Variants in C12orf42 observed in about 807,000 individuals in gnomAD.
C12orf42 encodes the protein chromosome 12 open reading frame 42.
Under a neutral mutation model 21.6 loss-of-function variants are expected in C12orf42, and 25 were observed. The observed-to-expected ratio is 1.16, with a 90% CI of 0.84 to 1.62. C12orf42 has a LOEUF of 1.62. C12orf42 is among the 40% of genes most tolerant of loss of function. The pLI is 0.00. For synonymous variants in C12orf42, 174 were observed against 175.0 expected, an observed-to-expected ratio of 0.99 and a Z score of 0.05; for missense variants, 483 against 459.3, an observed-to-expected ratio of 1.05 and a Z score of -0.47.
At chr12:103,514,427 C>T in the C12orf42 span, among the ~76,000 whole-genome samples, 23 of 152,192 alleles carry the variant, frequency 1.5e-4, no homozygotes, top group Middle Eastern at 3.4e-3. Context: ...TCCTGGAAGA[C>T]GGGAAGAGCT....
the C12orf42 span, among the ~76,000 whole-genome samples, chr12:103,510,782 G>A: frequency 6.6e-6 from 1 of 152,136 alleles, no homozygotes. Flanking sequence ...ATGGGAAATC[G>A]ATGATCTTAT....
the C12orf42 span, among the ~76,000 whole-genome samples, chr12:103,064,705 C>T: frequency 2.6e-5 from 4 of 152,170 alleles, no homozygotes; most frequent in Non-Finnish European, 4.4e-5. Flanking sequence ...CCATCCTTCC[C>T]CAAGGAGACC....
the C12orf42 span, among the ~76,000 whole-genome samples, chr12:103,186,130 G>T: frequency 1.3e-5 from 2 of 152,146 alleles, no homozygotes; most frequent in Non-Finnish European, 2.9e-5. Context: ...TCCACCTTTT[G>T]TTATAGTTAC....
At position 103,306,207 on chromosome 12, in the gene C12orf42, G is replaced by A; in HGVS notation, c.398C>T (p.Pro133Leu). The A allele has an allele frequency of 6.2e-7, 1 of 1,613,922 alleles. No individual in the cohort carries two copies. The highest frequency in any genetic ancestry group is 8.5e-7 in the Non-Finnish European group (1 of 1,179,870). The change falls in exon 5 of 6, where the codon CCA becomes CTA. Residue 133 changes from proline to leucine, a missense_variant. Pro to Leu is a moderately conservative substitution (Grantham distance 98). Coordinates refer to ENST00000548883, the MANE Select transcript of C12orf42 (RefSeq NM_198521.5). ...SYEEFRSSPA[P>L]SSETDEAPLI... ...TGGGGCCTCATCAGTTTCACTGGAT[G>A]GTGCTGGAGAGGAACGGAATTCTTC... is the stretch of plus-strand genomic sequence containing the variant.
chr12:103,269,015 A>G (rs2035309911), intron 6 of C12orf42: 1 of 152,150 alleles, frequency 6.6e-6, no homozygotes, highest in African/African-American at 2.4e-5. Context: ...AGAGCTCTAC[A>G]AGTACAGGGC....
chr12:103,134,870 G>A, the C12orf42 span, among the ~76,000 whole-genome samples: 4 of 152,262 alleles, frequency 2.6e-5, no homozygotes, highest in East Asian at 3.9e-4. Context: ...GAAGAAAAGT[G>A]TCTAGTTATT....
chr12:103,354,910 C>G (rs867822457), intron 4 of C12orf42, among the ~76,000 whole-genome samples: 2 of 151,992 alleles, frequency 1.3e-5, no homozygotes, highest in African/African-American at 2.4e-5. Flanking sequence ...AGAGGGGATT[C>G]TGAATGTTCT....
the C12orf42 span, among the ~76,000 whole-genome samples, chr12:103,198,934 C>G: frequency 1.3e-5 from 2 of 152,300 alleles, no homozygotes; most frequent in South Asian, 4.1e-4. Flanking sequence ...TTCTAGTCAG[C>G]CATCTTGCTG....
intron 4 of C12orf42, among the ~76,000 whole-genome samples, chr12:103,358,340 C>A (rs1187541259): frequency 6.6e-6 from 1 of 151,890 alleles, no homozygotes; most frequent in Non-Finnish European, 1.5e-5. Context: ...TTAATCAAGT[C>A]CTAAGAAGAA....
At chr12:103,299,006 G>A (rs142590282), downstream of C12orf42, among the ~76,000 whole-genome samples, 3 of 152,178 alleles carry the variant, frequency 2.0e-5, no homozygotes, top group African/African-American at 7.2e-5. Flanking sequence ...AGGAGGTGAG[G>A]GGATATAAGT....
the C12orf42 span, among the ~76,000 whole-genome samples, chr12:103,230,302 A>C: frequency 6.8e-6 from 1 of 148,036 alleles, no homozygotes; most frequent in African/African-American, 2.5e-5. Context: ...TGTTGGAAGA[A>C]TTTTTTTTTT....
At chr12:103,184,436 T>C in the C12orf42 span, among the ~76,000 whole-genome samples, 1 of 152,218 alleles carries the variant, frequency 6.6e-6, no homozygotes, top group South Asian at 2.1e-4. Flanking sequence ...ACCTATGTCA[T>C]TGAGTTTGAA....
intron 2 of C12orf42, among the ~76,000 whole-genome samples, chr12:103,434,037 T>G (rs1249097464): frequency 6.7e-6 from 1 of 149,530 alleles, no homozygotes; most frequent in Non-Finnish European, 1.5e-5. Context: ...TGGCAGGTTT[T>G]GTTTTATTTT....
chr12:103,096,315 A>T, the C12orf42 span, among the ~76,000 whole-genome samples: 3 of 152,078 alleles, frequency 2.0e-5, no homozygotes, highest in Non-Finnish European at 2.9e-5. Flanking sequence ...ATTTTTTTTC[A>T]ATTTAGGTGT....
At chr12:103,156,854 T>C in the C12orf42 span, among the ~76,000 whole-genome samples, 4 of 152,318 alleles carry the variant, frequency 2.6e-5, no homozygotes, top group Non-Finnish European at 4.4e-5. Context: ...ATAGACCACA[T>C]TTTTTTATCC....
intron 2 of C12orf42, among the ~76,000 whole-genome samples, chr12:103,430,475 G>A (rs1476392478): frequency 1.3e-5 from 2 of 152,206 alleles, no homozygotes; most frequent in African/African-American, 2.4e-5. Context: ...AGACACTGGA[G>A]AGAATGTAGA....
chr12:103,188,130 T>C, the C12orf42 span, among the ~76,000 whole-genome samples: 1 of 152,172 alleles, frequency 6.6e-6, no homozygotes, highest in African/African-American at 2.4e-5. Flanking sequence ...GTGTTTCTAC[T>C]GTACTAGTTC....
chr12:103,399,658 C>A (rs1453934201), intron 3 of C12orf42, among the ~76,000 whole-genome samples: 1 of 102,262 alleles, frequency 9.8e-6, no homozygotes, highest in Admixed American at 8.9e-5. Context: ...AATTATTTAT[C>A]TGAATTATTT....
At chr12:103,259,947 T>A (rs763073021) in intron 10 of C12orf42, among the ~76,000 whole-genome samples, 2 of 152,128 alleles carry the variant, frequency 1.3e-5, no homozygotes, top group Non-Finnish European at 2.9e-5. Context: ...AAGGTTCAGG[T>A]CAATCAGATA....
Sources: gnomAD v4.1 joint callset for allele counts (sites outside exome capture counted in the v4.1 genomes callset) on GRCh38, gnomAD v4.1.1 for gene constraint, MANE v1.5 for transcripts, NCBI Gene and HGNC (gene_info 2026-07-23, HGNC 2026-07-21) for gene names.